Variants in RABGAP1 observed in about 807,000 individuals in gnomAD.
RABGAP1 encodes RAB GTPase activating protein 1.
In RABGAP1, 23 loss-of-function variants were observed where a neutral mutation model predicts 137.6. That is an observed-to-expected ratio of 0.17 (90% CI 0.12 to 0.24). The LOEUF is 0.24. Among genes scored for constraint, RABGAP1 ranks in the 10% least tolerant of loss-of-function variants. The pLI is 1.00. For missense variants in RABGAP1, 906 were observed against 1,275.8 expected, an observed-to-expected ratio of 0.71 and a Z score of 4.42; for synonymous variants, 451 against 450.7, an observed-to-expected ratio of 1.00 and a Z score of -0.01.
rs763827537 is a variant in RABGAP1, at chr9:123,101,588, G to A, written c.2912G>A (p.Arg971Gln). ...CAGCAAAAAGTGGATGACTGTGAGCGGTGCCGGGAATTTTTCAACAAAGAA... is the reference window on the plus strand; with the variant it reads ...CAGCAAAAAGTGGATGACTGTGAGCAGTGCCGGGAATTTTTCAACAAAGAA... ...KIRQKVDDCE[R>Q]CREFFNKEGR... is the part of the protein sequence containing the mutation. Residue 971 changes from arginine to glutamine, a missense_variant, in exon 25 of 26, where the codon CGG becomes CAG. Physicochemically the swap from Arg to Gln is conservative, Grantham distance 43 (BLOSUM62 1). Coordinates refer to ENST00000373647, the MANE Select transcript of RABGAP1 (RefSeq NM_012197.4). 82 of 1,613,916 alleles carry A rather than the reference G, an allele frequency of 5.1e-5. No individual in the cohort carries two copies. The East Asian group carries it at 1.0e-3, about 20-fold the overall frequency.
intron 2 of RABGAP1, among the ~76,000 whole-genome samples, chr9:122,960,305 T>C (rs999699457): frequency 3.3e-5 from 5 of 152,204 alleles, no homozygotes; most frequent in Non-Finnish European, 5.9e-5. Context: ...TAGTGCATTG[T>C]TGAAATCATT....
At chr9:123,078,512 A>T (rs748322232) in intron 19 of RABGAP1, among the ~76,000 whole-genome samples, 56 of 152,226 alleles carry the variant, frequency 3.7e-4, no homozygotes, top group Non-Finnish European at 7.3e-4. Flanking sequence ...CGTTAAGTAG[A>T]TAACAAACAT....
rs745798261 is a variant in RABGAP1 at position 122,986,396 on chromosome 9, G to A, written c.567G>A (p.Pro189=). The A allele has an allele frequency of 6.8e-6, 11 of 1,614,022 alleles. No homozygotes were observed. In the South Asian group the frequency reaches 7.7e-5, roughly 11 times the overall value. ...CACTAGATGTTACCCTTTCAGTGCCGAATGTGTCTGAAGGAATTGTGAGGT... is the reference window on the plus strand; with the variant it reads ...CACTAGATGTTACCCTTTCAGTGCCAAATGTGTCTGAAGGAATTGTGAGGT... ...QISLDVTLSV[P]NVSEGIVRLL... The change falls in exon 4 of 26, where the codon CCG becomes CCA. Residue 189 remains proline (P), a synonymous_variant. Transcript: ENST00000373647.
intron 12 of RABGAP1, 67 bp from the exon 13 acceptor site, chr9:123,020,242 A>G (rs1312130413): frequency 7.7e-7 from 1 of 1,304,140 alleles, no homozygotes; most frequent in African/African-American, 1.5e-5. Context: ...TGACTTTGAT[A>G]AAAGTAACAT....
the RABGAP1 span, among the ~76,000 whole-genome samples, chr9:122,934,468 T>C: frequency 6.6e-6 from 1 of 152,214 alleles, no homozygotes; most frequent in Non-Finnish European, 1.5e-5. Context: ...GGATTGTGTG[T>C]GTGTGTTTAA....
intron 13 of RABGAP1, chr9:123,033,850 T>C (rs1272124000): frequency 6.6e-6 from 1 of 152,274 alleles, no homozygotes; most frequent in Non-Finnish European, 1.5e-5. Flanking sequence ...TGGCTAATTT[T>C]ATTAGTGGTA....
chr9:122,965,775 T>C (rs1041291964), intron 2 of RABGAP1, among the ~76,000 whole-genome samples: 1 of 152,212 alleles, frequency 6.6e-6, no homozygotes, highest in African/African-American at 2.4e-5. Context: ...GAACATACAT[T>C]TTAAATGAAT....
chr9:122,964,000 A>G (rs150254878), intron 2 of RABGAP1, among the ~76,000 whole-genome samples: 55 of 152,336 alleles, frequency 3.6e-4, no homozygotes, highest in Admixed American at 1.8e-3. Context: ...GAAATGGACA[A>G]ATTTCTAGAG....
chr9:122,978,786 A>C (rs1018947871), intron 2 of RABGAP1, among the ~76,000 whole-genome samples: 1 of 152,210 alleles, frequency 6.6e-6, no homozygotes, highest in Non-Finnish European at 1.5e-5. Context: ...ACCATTTTGC[A>C]TTCCTACCAG....
At chr9:122,972,861 C>T (rs954592475) in intron 2 of RABGAP1, among the ~76,000 whole-genome samples, 10 of 151,632 alleles carry the variant, frequency 6.6e-5, no homozygotes, top group African/African-American at 2.4e-5. Flanking sequence ...TATGGCCGGG[C>T]GTGATGGCTC....
intron 2 of RABGAP1, among the ~76,000 whole-genome samples, chr9:122,969,842 A>G (rs1422537814): frequency 6.6e-6 from 1 of 152,156 alleles, no homozygotes; most frequent in Non-Finnish European, 1.5e-5. Context: ...TTGGGATTAC[A>G]GTTGTGAGCC....
chr9:122,948,043 ACAC>A (rs1194187449), intron 1 of RABGAP1, among the ~76,000 whole-genome samples: 81 of 2,400 alleles, frequency 0.034, no homozygotes, highest in African/African-American at 0.037. Context: ...AGCCAGGAAA[ACAC>A]ACACACACAC....
At chr9:122,937,100 T>C (rs1461704765), upstream of RABGAP1, among the ~76,000 whole-genome samples, 2 of 152,214 alleles carry the variant, frequency 1.3e-5, no homozygotes, top group Non-Finnish European at 2.9e-5. Flanking sequence ...ACTTAATTGG[T>C]TGTTACTGGG....
At chr9:122,995,380 A>G (rs916864921) in intron 6 of RABGAP1, among the ~76,000 whole-genome samples, 1 of 152,162 alleles carries the variant, frequency 6.6e-6, no homozygotes, top group African/African-American at 2.4e-5. Context: ...ATAATAATCT[A>G]TCTGTAAAGC....
At chr9:123,043,650 A>C (rs750028460) in intron 13 of RABGAP1, among the ~76,000 whole-genome samples, 15 of 143,956 alleles carry the variant, frequency 1.0e-4, no homozygotes, top group Non-Finnish European at 1.5e-4. Context: ...GAGGGGAAGG[A>C]GGGTGGGTGT....
At chr9:123,096,105 C>A (rs1394890199) in intron 21 of RABGAP1, among the ~76,000 whole-genome samples, 1 of 152,150 alleles carries the variant, frequency 6.6e-6, no homozygotes, top group Non-Finnish European at 1.5e-5. Flanking sequence ...TGTAGAACAA[C>A]TTGATTTTCT....
At chr9:122,966,009 A>G (rs1414888448) in intron 2 of RABGAP1, among the ~76,000 whole-genome samples, 1 of 152,154 alleles carries the variant, frequency 6.6e-6, no homozygotes, top group Non-Finnish European at 1.5e-5. Context: ...TCTAAATCTG[A>G]ACTAAAAAGT....
intron 13 of RABGAP1, among the ~76,000 whole-genome samples, chr9:123,045,270 G>A (rs987863486): frequency 1.3e-5 from 2 of 152,128 alleles, no homozygotes; most frequent in African/African-American, 4.8e-5. Flanking sequence ...AAAAACGGAG[G>A]AAACCTCAAC....
intron 13 of RABGAP1, among the ~76,000 whole-genome samples, chr9:123,061,656 T>A (rs1374263863): frequency 6.6e-6 from 1 of 152,230 alleles, no homozygotes; most frequent in African/African-American, 2.4e-5. Flanking sequence ...ATAAATGAAT[T>A]AGCCAAAACA....
Sources: gnomAD v4.1 joint callset for allele counts (sites outside exome capture counted in the v4.1 genomes callset) on GRCh38, gnomAD v4.1.1 for gene constraint, MANE v1.5 for transcripts, NCBI Gene and HGNC (gene_info 2026-07-23, HGNC 2026-07-21) for gene names.